Variants in NOBOX observed in about 807,000 individuals in gnomAD.
The protein encoded by NOBOX is NOBOX oogenesis homeobox.
NOBOX carries 46 observed loss-of-function variants against 60.2 expected under a neutral mutation model. The observed-to-expected ratio is 0.76, with a 90% CI of 0.60 to 0.98. The LOEUF (loss-of-function observed/expected upper bound fraction) is 0.98, where lower values mean the gene tolerates loss of function less well. Among genes scored for constraint, NOBOX ranks in the 50% least tolerant of loss-of-function variants. The pLI is 0.00. For synonymous variants in NOBOX, 360 were observed against 346.3 expected, an observed-to-expected ratio of 1.04 and a Z score of -0.44; for missense variants, 880 against 865.5, an observed-to-expected ratio of 1.02 and a Z score of -0.21.
At chr7:144,400,987 C>A in intron 4 of NOBOX, 59 bp downstream of exon 2, 2 of 1,386,472 alleles carry the variant, frequency 1.4e-6, no homozygotes, top group Non-Finnish European at 1.9e-6. Context: ...CTTCACACAG[C>A]CCCACCTTTC....
At position 144,404,438 on chromosome 7, in the gene NOBOX, G is replaced by A. The variant is rs545598228; in HGVS notation, c.210+118C>T. On this transcript the variant is annotated intron_variant, in intron 2 of 9. Transcript: ENST00000467773. Reference sequence around the variant, plus strand: ...AATTTTTTGTATTTTTAGTAGAGACGGGGTTTCACCACGTTGGCTAGGCTG... The same window carrying A: ...AATTTTTTGTATTTTTAGTAGAGACAGGGTTTCACCACGTTGGCTAGGCTG... 6.9e-5 allele frequency: 57 copies of A among 828,736 alleles called. 1 individual carries two copies. The South Asian group carries it at 8.1e-4, about 12-fold the overall frequency. 51.3% of individuals were successfully genotyped at this position (828,736 alleles called of 1,614,324 possible).
chr7:144,401,072 T>G lies in NOBOX; in HGVS notation c.818A>C (p.Lys273Thr). Residue 273 changes from lysine to threonine, a missense_variant, in exon 4 of 10, where the codon AAA becomes ACA. Lys to Thr is a moderately conservative substitution (Grantham distance 78, BLOSUM62 -1). Coordinates refer to ENST00000467773, the MANE Select transcript of NOBOX (RefSeq NM_001080413.3). This position sits in a 1 kb window ranked among gnomAD's most constrained non-coding sequence, Gnocchi z 4.2. ...TGAGCGGTATAGGGTTCGTGTCTTT[T>G]TCCTAATTTGGCAGGTCACTTCCGG... 4 of 1,529,546 alleles carry G rather than the reference T, an allele frequency of 2.6e-6. No homozygotes were observed. The highest frequency in any genetic ancestry group is 3.5e-6 in the Non-Finnish European group (4 of 1,141,434). The allele number at this position is 1,529,546 out of a possible 1,614,324, so 94.7% of individuals were successfully genotyped here. A position where few individuals can be genotyped will look rare whatever the true frequency, so the allele number is the denominator to read the frequency against.
At chr7:144,406,970 T>G (rs2053989628) in intron 1 of NOBOX, among the ~76,000 whole-genome samples, 1 of 152,170 alleles carries the variant, frequency 6.6e-6, no homozygotes, top group Non-Finnish European at 1.5e-5. Context: ...CAACTTTGTT[T>G]AGAGGACAGG....
At chr7:144,400,957 A>C in intron 4 of NOBOX, 89 bp downstream of exon 2, 1 of 1,134,430 alleles carries the variant, frequency 8.8e-7, no homozygotes, top group Non-Finnish European at 1.2e-6. Flanking sequence ...CCCATCCCTC[A>C]GGTCTCCTGG....
intron 2 of NOBOX, among the ~76,000 whole-genome samples, 164 bp downstream of exon 1, chr7:144,403,493 C>A (rs534019521): frequency 8.4e-4 from 128 of 151,988 alleles, no homozygotes; most frequent in Middle Eastern, 3.4e-3. Flanking sequence ...GCACAGGGGG[C>A]AGTGAGGTCG....
intron 1 of NOBOX, among the ~76,000 whole-genome samples, chr7:144,409,772 C>T (rs1480287472): frequency 6.6e-6 from 1 of 152,124 alleles, no homozygotes; most frequent in Non-Finnish European, 1.5e-5. Flanking sequence ...TAGTCCCAAA[C>T]CCATGAGAAG....
At chr7:144,406,839 C>A (rs10236106) in intron 1 of NOBOX, among the ~76,000 whole-genome samples, 5,131 of 152,188 alleles carry the variant, frequency 0.034, 281 homozygotes, top group African/African-American at 0.11. Flanking sequence ...AGCAAAGAGA[C>A]GGCTCAATTA....
Position 144,401,964 on chromosome 7 carries a change from A to G in NOBOX, c.211-14T>C, listed in dbSNP as rs1484239103. On this transcript the variant is annotated splice_polypyrimidine_tract_variant and intron_variant, in intron 2 of 9. Transcript: ENST00000467773. The surrounding 1 kb of genome is among the most constrained non-coding windows in gnomAD (Gnocchi z 4.2). ...ATCATGTTGGGGCTGCGGATGGACCAGGAAGACAAAGAGAAACAGATTGAC... is the reference window on the plus strand; with the variant it reads ...ATCATGTTGGGGCTGCGGATGGACCGGGAAGACAAAGAGAAACAGATTGAC... The G allele has an allele frequency of 1.9e-6, 3 of 1,588,952 alleles. No individual in the cohort carries two copies. Among genetic ancestry groups the G allele is most frequent in the East Asian group, 4.5e-5 (2 of 44,774 alleles).
At chr7:144,408,675 G>C (rs964028313) in intron 1 of NOBOX, among the ~76,000 whole-genome samples, 3 of 152,160 alleles carry the variant, frequency 2.0e-5, no homozygotes, top group African/African-American at 2.4e-5. Flanking sequence ...TAAACACTAG[G>C]CTACACTGTT....
intron 2 of NOBOX, chr7:144,402,079 T>C: frequency 1.5e-6 from 1 of 673,358 alleles, no homozygotes; most frequent in African/African-American, 1.8e-5. Context: ...GATTCGATTG[T>C]CTCCAGCAGC....
intron 8 of NOBOX, 123 bp from the exon 7 acceptor site, chr7:144,398,709 G>A: frequency 1.4e-6 from 1 of 726,516 alleles, no homozygotes; most frequent in Admixed American, 2.4e-5. Context: ...AGCCTTGCAA[G>A]GCTGCTGCAG....
At chr7:144,405,313 C>A (rs550273302) in intron 1 of NOBOX, among the ~76,000 whole-genome samples, 1 of 152,212 alleles carries the variant, frequency 6.6e-6, no homozygotes, top group Non-Finnish European at 1.5e-5. Flanking sequence ...CTTCCAGGAT[C>A]ATTTGATGGT....
Position 144,398,492 on chromosome 7 carries a change from C to T in NOBOX, c.1564G>A (p.Ala522Thr). Residue 522 changes from alanine (A) to threonine (T), a missense_variant, in exon 9 of 10, where the codon GCT (alanine) becomes ACT (threonine). Coordinates refer to ENST00000467773, the MANE Select transcript of NOBOX (RefSeq NM_001080413.3). ...GACTGGAAAAGCGGGGGCTGTGGAG[C>T]CTGGGAGAACTGGAAGGGTCCTGGC... is the stretch of plus-strand genomic sequence containing the variant. 1 of 1,536,932 alleles carries T rather than the reference C, an allele frequency of 6.5e-7. No individual in the cohort carries two copies. Among genetic ancestry groups the T allele is most frequent in the Non-Finnish European group, 8.7e-7 (1 of 1,146,820 alleles).
chr7:144,407,069 A>C (rs916968), intron 1 of NOBOX, among the ~76,000 whole-genome samples: 91,471 of 151,148 alleles, frequency 0.61, 28,090 homozygotes, highest in South Asian at 0.83. Flanking sequence ...ATGCACTTAG[A>C]AAGAGTCATT....
chr7:144,403,181 G>A (rs573276052), intron 2 of NOBOX, among the ~76,000 whole-genome samples: 135 of 152,306 alleles, frequency 8.9e-4, no homozygotes, highest in Non-Finnish European at 1.5e-3. Context: ...GGTGAAGAGG[G>A]TGAGCAGGCC....
rs1489512256 is a variant in NOBOX at position 144,397,382 on chromosome 7, A to G, written c.1934T>C (p.Leu645Pro). ...TCTGGCCCCTTCAGGCATCCATGAGAGAGCTGACGAAGGCTGCCTGCCCAG... is the reference window on the plus strand; with the variant it reads ...TCTGGCCCCTTCAGGCATCCATGAGGGAGCTGACGAAGGCTGCCTGCCCAG... Residue 645 changes from leucine to proline, a missense_variant, in exon 10 of 10, where the codon CTC becomes CCC. By Grantham distance (98) the Leu-to-Pro change is moderately conservative (BLOSUM62 -3). Coordinates refer to ENST00000467773, the MANE Select transcript of NOBOX (RefSeq NM_001080413.3). The G allele has an allele frequency of 2.0e-6, 3 of 1,537,098 alleles. No homozygotes were observed. The African/African-American group carries it at 4.1e-5, about 21-fold the overall frequency.
rs773876285 is a variant in NOBOX, at chr7:144,400,179, T to C, written c.978A>G (p.Ala326=). Reference sequence around the variant, plus strand: ...TGGTGGGCCCTCCGCCACTCCACCCTGCCACCAGTGAGCCGGCCCCCTTTA... The same window carrying C: ...TGGTGGGCCCTCCGCCACTCCACCCCGCCACCAGTGAGCCGGCCCCCTTTA... Residue 326 remains alanine, a synonymous_variant, in exon 5 of 10, where the codon GCA becomes GCG. Transcript: ENST00000467773. 2 of 1,613,894 alleles carry C rather than the reference T, an allele frequency of 1.2e-6. No individual in the cohort carries two copies. Among genetic ancestry groups the C allele is most frequent in the Admixed American group, 3.3e-5 (2 of 60,000 alleles).
At chr7:144,397,101 A>G (rs1054549571), downstream of NOBOX, 1 of 690,496 alleles carries the variant, frequency 1.4e-6, no homozygotes, top group Non-Finnish European at 2.3e-6. Flanking sequence ...CAACAAGACG[A>G]GCCTACACAG....
intron 1 of NOBOX, among the ~76,000 whole-genome samples, chr7:144,408,626 A>G (rs1451740730): frequency 6.6e-6 from 1 of 152,256 alleles, no homozygotes; most frequent in Non-Finnish European, 1.5e-5. Flanking sequence ...TGGCCACCTC[A>G]GATTTGAACC....
Sources: allele counts gnomAD v4.1 joint callset (sites outside exome capture counted in the v4.1 genomes callset), GRCh38; gene constraint gnomAD v4.1.1; non-coding constraint Gnocchi (gnomAD v3.1); transcripts MANE v1.5; gene names NCBI Gene and HGNC (gene_info 2026-07-23, HGNC 2026-07-21).